Variants in OTUD7A observed in about 807,000 individuals in gnomAD.
The protein encoded by OTUD7A is OTU domain-containing protein 7A.
A neutral mutation model predicts 65.7 loss-of-function variants in OTUD7A; 12 were observed. That is an observed-to-expected ratio of 0.18 (90% confidence interval 0.12 to 0.30). The LOEUF is 0.30. OTUD7A is among the 10% of genes least tolerant of loss of function. OTUD7A has a pLI of 1.00. For missense variants in OTUD7A, 1,148 were observed against 1,304.8 expected (o/e 0.88, Z 1.85); for synonymous variants, 641 against 586.3 (o/e 1.09, Z -1.35).
At chr15:31,647,387 G>A (rs931252712) in intron 3 of OTUD7A, among the ~76,000 whole-genome samples, 1 of 152,204 alleles carries the variant, frequency 6.6e-6, no homozygotes, top group African/African-American at 2.4e-5. Flanking sequence ...AGCATGTGAT[G>A]AATTATAAAA....
intron 3 of OTUD7A, among the ~76,000 whole-genome samples, chr15:31,629,652 A>C (rs1891079449): frequency 6.6e-6 from 1 of 152,180 alleles, no homozygotes; most frequent in South Asian, 2.1e-4. Flanking sequence ...TGATTGGAAT[A>C]GTTTCAGAAG....
intron 1 of OTUD7A, among the ~76,000 whole-genome samples, chr15:31,746,508 T>TA (rs1491534047): frequency 8.7e-4 from 2 of 2,296 alleles, no homozygotes; most frequent in African/African-American, 9.3e-4. Flanking sequence ...TTTTTACATA[T>TA]TTTTTTTTTT....
rs537952677 is a variant in OTUD7A, at chr15:31,799,155, G to C, written c.-100+71352C>G. Among the ~76,000 whole-genome samples, 4 of 152,202 alleles carry C rather than the reference G, an allele frequency of 2.6e-5. No individual in the cohort carries two copies. In the South Asian group the frequency reaches 8.3e-4, roughly 32 times the overall value. ...GAGAGAAGGCTGGAGTGGCTGGGGT[G>C]AATCCAGCAAAGACACGGGAGAGGA... On this transcript the variant is annotated intron_variant, in intron 1 of 12. Coordinates refer to ENST00000307050, the MANE Select transcript of OTUD7A (RefSeq NM_001382637.1).
chr15:31,619,922 T>G (rs531054463), intron 3 of OTUD7A, among the ~76,000 whole-genome samples: 1 of 152,338 alleles, frequency 6.6e-6, no homozygotes, highest in African/African-American at 2.4e-5. Flanking sequence ...ATAGCTCTTA[T>G]TATTTCGAGA....
chr15:31,528,169 C>T (rs1026944532), intron 6 of OTUD7A, among the ~76,000 whole-genome samples: 2 of 152,202 alleles, frequency 1.3e-5, no homozygotes, highest in African/African-American at 4.8e-5. Flanking sequence ...AGGATAGCCA[C>T]GAGGCTGGCA....
chr15:31,760,869 C>T (rs1178167759), intron 1 of OTUD7A, among the ~76,000 whole-genome samples: 1 of 152,084 alleles, frequency 6.6e-6, no homozygotes, highest in Non-Finnish European at 1.5e-5. Flanking sequence ...CTGGTTGATT[C>T]TTTACAAGAG....
At chr15:31,753,702 T>TATTATATATAACCTGTGA (rs1206556359) in intron 1 of OTUD7A, among the ~76,000 whole-genome samples, 1 of 11,172 alleles carries the variant, frequency 9.0e-5, no homozygotes, top group Admixed American at 2.1e-3. Flanking sequence ...TATATATATA[T>TATTATATATAACCTGTGA]TATATATATA....
intron 3 of OTUD7A, among the ~76,000 whole-genome samples, chr15:31,626,941 A>C (rs1275100172): frequency 1.5e-5 from 2 of 132,860 alleles, no homozygotes; most frequent in African/African-American, 3.1e-5. Flanking sequence ...CTTAAAGATT[A>C]CTTTATTGTT....
At chr15:31,693,937 G>A (rs1386552093) in intron 1 of OTUD7A, among the ~76,000 whole-genome samples, 17 of 150,536 alleles carry the variant, frequency 1.1e-4, no homozygotes, top group Non-Finnish European at 1.8e-4. Context: ...AGGGACCTCT[G>A]AAGATGCTCC....
intron 2 of OTUD7A, among the ~76,000 whole-genome samples, chr15:31,656,702 T>G (rs1293121464): frequency 6.6e-6 from 1 of 152,060 alleles, no homozygotes; most frequent in Non-Finnish European, 1.5e-5. Context: ...AGGTCCTGTG[T>G]CAGTGGCCCA....
rs1192993084 is a variant in OTUD7A, at chr15:31,708,192, T to C, written c.-99-51115A>G. On this transcript the variant is annotated intron_variant, in intron 1 of 12. Transcript: ENST00000307050. The stretch of plus-strand genomic sequence containing the variant: ...CACAAGACACTTTTGCTTTTTAATC[T>C]AATGAGACTGTAAAACTTAAAAAGA... Among the ~76,000 whole-genome samples, 1,030 of 146,994 alleles carry C rather than the reference T, an allele frequency of 7.0e-3. 12 individuals are homozygous for C. Among genetic ancestry groups the C allele is most frequent in the Non-Finnish European group, 8.9e-3 (580 of 65,164 alleles).
chr15:31,495,379 T>G (rs1364267571), intron 10 of OTUD7A, among the ~76,000 whole-genome samples: 1 of 152,214 alleles, frequency 6.6e-6, no homozygotes, highest in Non-Finnish European at 1.5e-5. Context: ...CAGAGCTCCA[T>G]AGCCATGAAG....
intron 3 of OTUD7A, among the ~76,000 whole-genome samples, chr15:31,632,337 A>G (rs1891193220): frequency 6.6e-6 from 1 of 152,026 alleles, no homozygotes; most frequent in Non-Finnish European, 1.5e-5. Flanking sequence ...GGTCTGTTGG[A>G]GTTTGCTAGA....
chr15:31,830,605 A>G (rs1896906016), intron 1 of OTUD7A, among the ~76,000 whole-genome samples: 1 of 152,242 alleles, frequency 6.6e-6, no homozygotes, highest in Non-Finnish European at 1.5e-5. Flanking sequence ...CTACAGAATG[A>G]AAGATCTTAA....
In OTUD7A at chr15:31,480,211, T is replaced by C. The variant is rs2041096652; in HGVS notation, c.*3083A>G. The C allele has an allele frequency of 6.6e-6, 1 of 152,314 alleles. No homozygotes were observed. Among genetic ancestry groups the C allele is most frequent in the African/African-American group, 2.4e-5 (1 of 41,564 alleles). The allele number at this position is 152,314 out of a possible 1,614,324, so 9.4% of individuals were successfully genotyped here. A position where few individuals can be genotyped will look rare whatever the true frequency, so the allele number is the denominator to read the frequency against. On this transcript the variant is annotated 3_prime_UTR_variant, in exon 13 of 13. Transcript: ENST00000307050. ...CAGTTTAAACTTGGCTTGTAAAATT[T>C]CAACGTAACACAGCATAAAGTCTAC...
chr15:31,728,909 T>C (rs551547214), intron 1 of OTUD7A, among the ~76,000 whole-genome samples: 7 of 152,342 alleles, frequency 4.6e-5, no homozygotes, highest in African/African-American at 1.7e-4. Flanking sequence ...CAGAGATACC[T>C]AGAGAGCACC....
intron 1 of OTUD7A, among the ~76,000 whole-genome samples, chr15:31,730,298 G>A (rs554587655): frequency 4.6e-5 from 7 of 152,250 alleles, no homozygotes; most frequent in East Asian, 1.9e-4. Context: ...AGCAGCCCAC[G>A]GTGCCTGAGA....
intron 1 of OTUD7A, among the ~76,000 whole-genome samples, chr15:31,816,039 A>T (rs1205538796): frequency 1.3e-5 from 2 of 152,186 alleles, no homozygotes. Context: ...ATGCATGAGG[A>T]GATTCTGCTG....
chr15:31,834,996 T>C (rs992752965), intron 1 of OTUD7A, among the ~76,000 whole-genome samples: 7 of 152,056 alleles, frequency 4.6e-5, no homozygotes, highest in African/African-American at 1.7e-4. Context: ...TAACACCCCA[T>C]CCCCCAGCCC....
Sources: gnomAD v4.1 joint callset for allele counts (sites outside exome capture counted in the v4.1 genomes callset) on GRCh38, gnomAD v4.1.1 for gene constraint, MANE v1.5 for transcripts, NCBI Gene and HGNC (gene_info 2026-07-23, HGNC 2026-07-21) for gene names.